RAB40C: variants seen among roughly 807,000 people sequenced by gnomAD.
RAB40C encodes the protein ras-related protein Rab-40C.
Under a neutral mutation model 28.1 loss-of-function variants are expected in RAB40C, and 8 were observed. The ratio of observed to expected loss-of-function variants is 0.28; its 90% CI spans 0.17 to 0.51. The LOEUF is 0.51. Ranked by LOEUF, RAB40C falls within the 20% of genes least tolerant of loss-of-function variation. The pLI is 0.97. For synonymous variants in RAB40C, 201 were observed against 171.7 expected, an observed-to-expected ratio of 1.17 and a Z score of -1.34; for missense variants, 288 against 405.9, an observed-to-expected ratio of 0.71 and a Z score of 2.50.
Position 617,177 on chromosome 16 carries a change from C to G in RAB40C, c.143-31C>G, listed in dbSNP as rs118028349. The G allele has an allele frequency of 3.1e-6, 5 of 1,611,392 alleles. No individual in the cohort carries two copies. In the Admixed American group the frequency reaches 8.3e-5, roughly 27 times the overall value. On this transcript the variant is annotated intron_variant, in intron 1 of 5. Coordinates refer to ENST00000248139, the MANE Select transcript of RAB40C (RefSeq NM_021168.5). Reference sequence around the variant, plus strand: ...GCGGGCGCTCGCTCCAGGAGTGGCGCGTCCCCTCAGCGCCCTGTGCTTCCT... The same window carrying G: ...GCGGGCGCTCGCTCCAGGAGTGGCGGGTCCCCTCAGCGCCCTGTGCTTCCT...
intron 3 of RAB40C, chr16:624,069 C>T: frequency 1.0e-6 from 1 of 985,498 alleles, no homozygotes; most frequent in Non-Finnish European, 1.2e-6. Context: ...CGGTACATTT[C>T]ACTGCCGCTT....
intron 1 of RAB40C, among the ~76,000 whole-genome samples, chr16:596,980 C>T (rs576038417): frequency 6.6e-6 from 1 of 152,268 alleles, no homozygotes; most frequent in Admixed American, 6.5e-5. Flanking sequence ...GGACGTTTGT[C>T]CTTCAGAAAT....
At chr16:625,667 G>C in intron 4 of RAB40C, 158 bp downstream of exon 4, 2 of 904,458 alleles carry the variant, frequency 2.2e-6, no homozygotes, top group Non-Finnish European at 3.4e-6. Flanking sequence ...GCTGGTCACT[G>C]TGCACACGAC....
intron 1 of RAB40C, among the ~76,000 whole-genome samples, chr16:615,940 C>T (rs1444275851): frequency 1.3e-5 from 2 of 150,318 alleles, no homozygotes; most frequent in Admixed American, 6.7e-5. Flanking sequence ...GCAGCCTGGG[C>T]GACAGAGTGA....
At position 590,220 on chromosome 16, in the gene RAB40C, G is replaced by A. The variant is rs1176713534; in HGVS notation, c.-72G>A. ...CAACGGGCGCAGGTGCGGGGCGCGG[G>A]CTCTCTCACGCCGCGGCCTCACCCG... is the stretch of plus-strand genomic sequence containing the variant. On this transcript the variant is annotated 5_prime_UTR_variant, in exon 1 of 6. Transcript: ENST00000248139. The A allele has an allele frequency of 8.6e-7, 1 of 1,165,518 alleles. No homozygotes were observed. Among genetic ancestry groups the A allele is most frequent in the Non-Finnish European group, 1.1e-6 (1 of 931,578 alleles). The allele number at this position is 1,165,518 out of a possible 1,614,324, so 72.2% of individuals were successfully genotyped here. A position where few individuals can be genotyped will look rare whatever the true frequency, so the allele number is the denominator to read the frequency against.
intron 1 of RAB40C, among the ~76,000 whole-genome samples, chr16:613,167 A>C (rs866937231): frequency 6.9e-6 from 1 of 145,868 alleles, no homozygotes; most frequent in African/African-American, 2.6e-5. Context: ...TGGCCTGTAG[A>C]ATCAAGAGCA....
In RAB40C at chr16:627,540, A is replaced by T. The variant is rs772787623; in HGVS notation, c.764A>T (p.Asn255Ile). ...SGAGGGGSKG[N>I]SLKRSKSIRP... ...GCCGGGGGCGGCGGCAGCAAGGGCAACAGCCTCAAGAGGTCCAAGTCCATC... is the reference window on the plus strand; with the variant it reads ...GCCGGGGGCGGCGGCAGCAAGGGCATCAGCCTCAAGAGGTCCAAGTCCATC... The change falls in exon 6 of 6, where the codon AAC (asparagine) becomes ATC (isoleucine). Residue 255 changes from asparagine to isoleucine, a missense_variant. This residue lies in a region of RAB40C where 57 missense variants were observed against 55.3 expected (regional missense o/e 1.03). Transcript: ENST00000248139. The T allele has an allele frequency of 6.2e-7, 1 of 1,613,542 alleles. No individual in the cohort carries two copies. Among genetic ancestry groups the T allele is most frequent in the Non-Finnish European group, 8.5e-7 (1 of 1,179,920 alleles).
intron 2 of RAB40C, among the ~76,000 whole-genome samples, chr16:617,903 A>G (rs993352737): frequency 6.6e-6 from 1 of 151,960 alleles, no homozygotes; most frequent in South Asian, 2.1e-4. Flanking sequence ...GTGAATGTCC[A>G]CAGGGTTGGG....
intron 1 of RAB40C, among the ~76,000 whole-genome samples, chr16:592,286 C>T (rs948262806): frequency 2.6e-5 from 4 of 152,188 alleles, no homozygotes; most frequent in African/African-American, 4.8e-5. Flanking sequence ...CGCAGCATCC[C>T]CCACTCTCTC....
intron 1 of RAB40C, among the ~76,000 whole-genome samples, chr16:600,580 G>A (rs1202851135): frequency 6.6e-6 from 1 of 152,224 alleles, no homozygotes; most frequent in South Asian, 2.1e-4. Context: ...GTGAAACCCC[G>A]TCTCTACTAA....
At chr16:622,333 G>A (rs950114160) in intron 3 of RAB40C, among the ~76,000 whole-genome samples, 2 of 152,184 alleles carry the variant, frequency 1.3e-5, no homozygotes, top group African/African-American at 4.8e-5. Context: ...AGCTCAGGGC[G>A]TGCGGGTGGG....
At chr16:604,214 C>G (rs529737631) in intron 1 of RAB40C, among the ~76,000 whole-genome samples, 2 of 150,590 alleles carry the variant, frequency 1.3e-5, no homozygotes, top group South Asian at 2.1e-4. Flanking sequence ...ACCACCACAC[C>G]CGGCTCAGAG....
In RAB40C at chr16:625,983, G is replaced by A. The variant is rs746975761; in HGVS notation, c.427G>A (p.Ala143Thr). The change falls in exon 5 of 6, where the codon GCG (alanine) becomes ACG (threonine). Residue 143 changes from alanine to threonine, a missense_variant. By Grantham distance (58) the Ala-to-Thr change is moderately conservative (BLOSUM62 0). This residue lies in a region of RAB40C where 153 missense variants were observed against 262.4 expected (regional missense o/e 0.58). Transcript: ENST00000248139. ...KRQVPTEQAR[A>T]YAEKNCMTFF... ...GCAGGTCCCGACGGAGCAGGCCCGCGCGTACGCAGAGAAGAACTGCATGAC... is the reference window on the plus strand; with the variant it reads ...GCAGGTCCCGACGGAGCAGGCCCGCACGTACGCAGAGAAGAACTGCATGAC... 1.1e-5 allele frequency: 18 copies of A among 1,613,106 alleles called. No homozygotes were observed. The highest frequency in any genetic ancestry group is 6.6e-5 in the South Asian group (6 of 91,088).
chr16:616,352 T>TATTC (rs1370758971), intron 1 of RAB40C, among the ~76,000 whole-genome samples: 1 of 150,708 alleles, frequency 6.6e-6, no homozygotes, highest in Admixed American at 6.6e-5. Context: ...TTTATTTATT[T>TATTC]ATTTATTTAT....
At chr16:609,101 C>T (rs892670623) in intron 1 of RAB40C, among the ~76,000 whole-genome samples, 7 of 152,070 alleles carry the variant, frequency 4.6e-5, no homozygotes, top group Admixed American at 1.3e-4. Flanking sequence ...GGTGACAGAA[C>T]GAGACACCTT....
At position 627,453 on chromosome 16, in the gene RAB40C, C is replaced by T; in HGVS notation, c.677C>T (p.Ser226Leu). ...VTIKSHLKSF[S>L]MANGMNAVMM... ...ATCAAGAGCCACCTCAAGTCCTTCTCGATGGCCAACGGCATGAACGCGGTC... is the reference window on the plus strand; with the variant it reads ...ATCAAGAGCCACCTCAAGTCCTTCTTGATGGCCAACGGCATGAACGCGGTC... Residue 226 changes from serine to leucine, a missense_variant, in exon 6 of 6, where the codon TCG becomes TTG. Around this residue, in one of 3 missense-constraint regions of RAB40C, gnomAD observed 153 missense variants for 262.4 expected, o/e 0.58. Coordinates refer to ENST00000248139, the MANE Select transcript of RAB40C (RefSeq NM_021168.5). 1 of 1,614,074 alleles carries T rather than the reference C, an allele frequency of 6.2e-7. No homozygotes were observed. Among genetic ancestry groups the T allele is most frequent in the Non-Finnish European group, 8.5e-7 (1 of 1,180,024 alleles).
At chr16:623,430 G>A (rs12444525) in intron 3 of RAB40C, among the ~76,000 whole-genome samples, 48,746 of 151,418 alleles carry the variant, frequency 0.32, 8,384 homozygotes, top group African/African-American at 0.39. Context: ...TGGGCAGATC[G>A]GGAGGTCAGG....
chr16:615,229 C>T (rs1323929680), intron 1 of RAB40C, among the ~76,000 whole-genome samples: 1 of 152,140 alleles, frequency 6.6e-6, no homozygotes, highest in Non-Finnish European at 1.5e-5. Flanking sequence ...ATGAGAACAG[C>T]CTTTGATGTA....
intron 1 of RAB40C, among the ~76,000 whole-genome samples, chr16:605,342 TTTAA>T (rs747898366): frequency 6.6e-6 from 1 of 152,220 alleles, no homozygotes; most frequent in Admixed American, 6.5e-5. Context: ...CTTTCCGTCT[TTTAA>T]TTAATCAGCT....
Sources: allele counts gnomAD v4.1 joint callset (sites outside exome capture counted in the v4.1 genomes callset), GRCh38; gene constraint gnomAD v4.1.1; regional missense constraint gnomAD v4.1.1; transcripts MANE v1.5; gene names NCBI Gene and HGNC (gene_info 2026-07-23, HGNC 2026-07-21).